MCTP1: variants seen among roughly 807,000 people sequenced by gnomAD.
MCTP1 encodes multiple C2 and transmembrane domain-containing protein 1.
Under a neutral mutation model 120.6 loss-of-function variants are expected in MCTP1, and 69 were observed. The observed-to-expected ratio is 0.57, with a 90% CI of 0.47 to 0.70. The LOEUF is 0.70. Ranked by LOEUF, MCTP1 falls within the 30% of genes least tolerant of loss-of-function variation. MCTP1 has a pLI of 0.00. For missense variants in MCTP1, 1,203 were observed against 1,248.8 expected (o/e 0.96, Z 0.55); for synonymous variants, 529 against 493.1 (o/e 1.07, Z -0.96).
rs1218043678 is a variant in MCTP1 at position 94,708,587 on chromosome 5, C to T, written c.2853G>A (p.Lys951=). 2 of 1,609,900 alleles carry T rather than the reference C, an allele frequency of 1.2e-6. No individual in the cohort carries two copies. The highest frequency in any genetic ancestry group is 3.3e-5 in the Admixed American group (2 of 59,766). ...TATCAATTGCATATGGACTCCGAAG[C>T]TTTTTTGTAAATTTATTGATGCCTG... ...LVWGINKFTK[K]LRSPYAIDNN... Residue 951 remains lysine, a synonymous_variant, in exon 22 of 23, where the codon AAG becomes AAA. Transcript: ENST00000515393.
rs1821560267 is a variant in MCTP1, at chr5:94,953,994, ATATATGCATATATATACAAAT to A, written c.839-654_839-634del. Among the ~76,000 whole-genome samples the A allele has an allele frequency of 4.9e-5, 3 of 60,880 alleles. No individual in the cohort carries two copies. In the Admixed American group the frequency reaches 6.9e-4, roughly 14 times the overall value. The allele number at this position is 60,880 out of a possible 152,430, so 39.9% of individuals were successfully genotyped here. A position where few individuals can be genotyped will look rare whatever the true frequency, so the allele number is the denominator to read the frequency against. ...TATATATGCATATATATACAAATATATATATGCATATATATACAAATATATATGCATATATATACAAATATA... is the reference window on the plus strand; with the variant it reads ...TATATATGCATATATATACAAATATAATATATGCATATATATACAAATATA... On this transcript the variant is annotated intron_variant, in intron 2 of 22. Coordinates refer to ENST00000515393, the MANE Select transcript of MCTP1 (RefSeq NM_024717.7).
intron 2 of MCTP1, among the ~76,000 whole-genome samples, chr5:95,006,295 G>GTA (rs969788458): frequency 1.3e-5 from 2 of 150,804 alleles, no homozygotes; most frequent in African/African-American, 2.4e-5. Context: ...ATATGTATGT[G>GTA]TATATATATG....
intron 1 of MCTP1, among the ~76,000 whole-genome samples, chr5:95,223,253 A>C (rs1027117391): frequency 6.6e-6 from 1 of 152,070 alleles, no homozygotes; most frequent in African/African-American, 2.4e-5. Flanking sequence ...GGAGTTTGAG[A>C]CCAGCCTGAG....
chr5:95,259,789 C>T (rs544809996), intron 1 of MCTP1, among the ~76,000 whole-genome samples: 15 of 152,252 alleles, frequency 9.9e-5, no homozygotes, highest in South Asian at 8.3e-4. Flanking sequence ...TCTCCCCTGC[C>T]ACCGGTACAA....
At chr5:94,776,413 G>A (rs1775336851) in intron 19 of MCTP1, among the ~76,000 whole-genome samples, 1 of 152,072 alleles carries the variant, frequency 6.6e-6, no homozygotes, top group South Asian at 2.1e-4. Flanking sequence ...GAAAACAGGT[G>A]CTCTCATTCT....
At chr5:95,011,490 G>C (rs1458301266) in intron 2 of MCTP1, among the ~76,000 whole-genome samples, 2 of 152,032 alleles carry the variant, frequency 1.3e-5, no homozygotes, top group Non-Finnish European at 2.9e-5. Flanking sequence ...CCTAATGTTG[G>C]GGGGAGGGAC....
intron 19 of MCTP1, among the ~76,000 whole-genome samples, chr5:94,740,613 A>G (rs920429082): frequency 2.1e-4 from 32 of 152,222 alleles, no homozygotes; most frequent in African/African-American, 7.5e-4. Context: ...GAATAGAGAC[A>G]TTATTCCCAA....
At chr5:94,772,214 T>C (rs1157791146) in intron 19 of MCTP1, among the ~76,000 whole-genome samples, 3 of 152,194 alleles carry the variant, frequency 2.0e-5, no homozygotes, top group Non-Finnish European at 4.4e-5. Flanking sequence ...CTTGCCCTTG[T>C]AGACCGCCCT....
chr5:94,791,876 T>C (rs1456621872), intron 18 of MCTP1: 1 of 152,332 alleles, frequency 6.6e-6, no homozygotes, highest in Admixed American at 6.5e-5. Flanking sequence ...AAGGCCCCTC[T>C]TCCAGCACCT....
intron 19 of MCTP1, among the ~76,000 whole-genome samples, chr5:94,715,336 C>T (rs1758705255): frequency 8.7e-6 from 1 of 115,286 alleles, no homozygotes; most frequent in African/African-American, 3.4e-5. Flanking sequence ...GCTGGATGCA[C>T]TTGAGATTTG....
chr5:95,183,865 C>T (rs996795226), intron 1 of MCTP1, among the ~76,000 whole-genome samples: 1 of 152,142 alleles, frequency 6.6e-6, no homozygotes, highest in Non-Finnish European at 1.5e-5. Context: ...AAACTTGCTA[C>T]AGTGTTCTTT....
intron 1 of MCTP1, among the ~76,000 whole-genome samples, chr5:95,107,047 T>C (rs908411511): frequency 2.0e-5 from 3 of 152,144 alleles, no homozygotes; most frequent in Non-Finnish European, 2.9e-5. Flanking sequence ...AAAATAACAA[T>C]GTAGAAAAAT....
intron 2 of MCTP1, among the ~76,000 whole-genome samples, chr5:94,996,468 C>T (rs959268866): frequency 2.0e-5 from 3 of 151,984 alleles, no homozygotes; most frequent in African/African-American, 7.3e-5. Flanking sequence ...TAGGATGCCC[C>T]GTGGATACCA....
chr5:94,807,778 T>C (rs765399960), intron 17 of MCTP1, among the ~76,000 whole-genome samples: 1 of 152,184 alleles, frequency 6.6e-6, no homozygotes, highest in African/African-American at 2.4e-5. Context: ...GTGACAGTCA[T>C]ACCCAATGAA....
At chr5:95,232,687 T>G (rs1011714807) in intron 1 of MCTP1, among the ~76,000 whole-genome samples, 2 of 152,110 alleles carry the variant, frequency 1.3e-5, no homozygotes, top group African/African-American at 2.4e-5. Context: ...CTCAAACTCC[T>G]GACCTTGTGA....
chr5:95,200,933 TAAACA>T (rs1309655704), intron 1 of MCTP1, among the ~76,000 whole-genome samples: 1 of 149,836 alleles, frequency 6.7e-6, no homozygotes, highest in African/African-American at 2.4e-5. Flanking sequence ...TTGTCAGAGA[TAAACA>T]AAACAACATC....
intron 1 of MCTP1, among the ~76,000 whole-genome samples, chr5:95,167,838 C>A (rs1386827313): frequency 1.3e-5 from 2 of 152,154 alleles, no homozygotes; most frequent in Non-Finnish European, 2.9e-5. Flanking sequence ...TTCTCCCATT[C>A]TGTAGGTTGC....
intron 2 of MCTP1, among the ~76,000 whole-genome samples, chr5:94,997,832 G>A (rs1832914557): frequency 6.6e-6 from 1 of 152,064 alleles, no homozygotes; most frequent in South Asian, 2.1e-4. Context: ...AATCAATGCA[G>A]TAAAAACTGT....
intron 3 of MCTP1, among the ~76,000 whole-genome samples, chr5:94,944,159 G>C (rs1321393087): frequency 3.3e-5 from 5 of 152,002 alleles, no homozygotes; most frequent in African/African-American, 1.2e-4. Flanking sequence ...AGGATTCTTA[G>C]ATTTGAAGAG....
Sources: gnomAD v4.1 joint callset for allele counts (sites outside exome capture counted in the v4.1 genomes callset) on GRCh38, gnomAD v4.1.1 for gene constraint, MANE v1.5 for transcripts, NCBI Gene and HGNC (gene_info 2026-07-23, HGNC 2026-07-21) for gene names.